Variants in ARHGAP18 observed in about 807,000 individuals in gnomAD.
The protein encoded by ARHGAP18 is rho GTPase-activating protein 18.
In ARHGAP18, 67 loss-of-function variants were observed where a neutral mutation model predicts 86.2. The ratio of observed to expected loss-of-function variants is 0.78; its 90% CI spans 0.64 to 0.95. The LOEUF (loss-of-function observed/expected upper bound fraction) is 0.95. ARHGAP18 is among the 40% of genes least tolerant of loss of function. The pLI is 0.00. For synonymous variants in ARHGAP18, 283 were observed against 280.4 expected (o/e 1.01, Z -0.09); for missense variants, 691 against 780.4 (o/e 0.89, Z 1.37).
At chr6:129,638,775 C>A in intron 2 of ARHGAP18, 146 bp from the exon 3 acceptor site, 1 of 725,092 alleles carries the variant, frequency 1.4e-6, no homozygotes, top group South Asian at 1.8e-5. Context: ...GGACAACTGC[C>A]ATACACTCCA....
At chr6:129,640,633 G>A (rs566976056) in intron 2 of ARHGAP18, among the ~76,000 whole-genome samples, 27 of 152,080 alleles carry the variant, frequency 1.8e-4, no homozygotes, top group Non-Finnish European at 3.2e-4. Context: ...ATTAATGTTG[G>A]TAGATTTTTC....
chr6:129,584,260 A>C lies in ARHGAP18; in HGVS notation c.1714-148T>G, dbSNP rs1239931102. On this transcript the variant is annotated intron_variant, in intron 12 of 14. Transcript: ENST00000368149. ...ACTACTGTATAATGTAATTTGCAAA[A>C]TTACATCAAACCTCAAATATCCTCT... 6 of 1,061,342 alleles carry C rather than the reference A, an allele frequency of 5.7e-6. No homozygotes were observed. The East Asian group carries it at 1.1e-4, about 20-fold the overall frequency. The allele number at this position is 1,061,342 out of a possible 1,614,324, so 65.7% of individuals were successfully genotyped here.
At chr6:129,634,459 G>A (rs1773290432) in intron 3 of ARHGAP18, among the ~76,000 whole-genome samples, 1 of 152,128 alleles carries the variant, frequency 6.6e-6, no homozygotes, top group African/African-American at 2.4e-5. Flanking sequence ...TGGTCTATCT[G>A]TACAGTGGAA....
intron 12 of ARHGAP18, among the ~76,000 whole-genome samples, chr6:129,585,414 G>A (rs1788377040): frequency 6.6e-6 from 1 of 152,180 alleles, no homozygotes; most frequent in South Asian, 2.1e-4. Flanking sequence ...CTATAAAAAT[G>A]TAGGTACCCT....
intron 11 of ARHGAP18, among the ~76,000 whole-genome samples, 163 bp from the exon 12 acceptor site, chr6:129,599,519 A>G (rs1788693061): frequency 6.6e-6 from 1 of 152,192 alleles, no homozygotes; most frequent in Non-Finnish European, 1.5e-5. Context: ...GTGAAAAGAA[A>G]ATACTTCATA....
At chr6:129,684,429 A>G (rs1208619992) in intron 1 of ARHGAP18, among the ~76,000 whole-genome samples, 1 of 152,222 alleles carries the variant, frequency 6.6e-6, no homozygotes, top group Non-Finnish European at 1.5e-5. Flanking sequence ...CTAGAGTAGT[A>G]TTATATTAAT....
In ARHGAP18 at chr6:129,641,880, G is replaced by A. The variant is rs1773472237; in HGVS notation, c.252C>T (p.Asn84=). The A allele has an allele frequency of 8.1e-6, 13 of 1,613,930 alleles. No homozygotes were observed. Among genetic ancestry groups the A allele is most frequent in the Non-Finnish European group, 1.0e-5 (12 of 1,179,912 alleles). Residue 84 remains asparagine (N), a synonymous_variant, in exon 2 of 15, where the codon AAC becomes AAT. Transcript: ENST00000368149. ...SMEDYWIELE[N]IKKSSENSQE... Reference sequence around the variant, plus strand: ...GGCTGTTTTCACTAGATTTCTTGATGTTTTCTAGTTCTATCCAATAGTCTT... The same window carrying A: ...GGCTGTTTTCACTAGATTTCTTGATATTTTCTAGTTCTATCCAATAGTCTT...
intron 1 of ARHGAP18, among the ~76,000 whole-genome samples, chr6:129,692,972 A>T (rs546303491): frequency 2.6e-5 from 4 of 152,362 alleles, no homozygotes; most frequent in Admixed American, 2.6e-4. Context: ...CCAGTAATTT[A>T]ATCAAAGGCA....
chr6:129,619,035 G>C (rs1392676077), intron 5 of ARHGAP18, among the ~76,000 whole-genome samples, 183 bp from the exon 6 acceptor site: 1 of 151,316 alleles, frequency 6.6e-6, no homozygotes, highest in Non-Finnish European at 1.5e-5. Flanking sequence ...AAGCTGTGGA[G>C]GGTTCGGGAG....
chr6:129,685,852 G>A (rs1374565283), intron 1 of ARHGAP18, among the ~76,000 whole-genome samples: 1 of 152,010 alleles, frequency 6.6e-6, no homozygotes, highest in Non-Finnish European at 1.5e-5. Flanking sequence ...AAGTCCAGAT[G>A]GTTTTCTCCC....
intron 6 of ARHGAP18, among the ~76,000 whole-genome samples, chr6:129,617,680 T>C (rs1310695855): frequency 3.9e-5 from 6 of 152,134 alleles, no homozygotes. Flanking sequence ...TCTTGGGCAC[T>C]GAACCACAAC....
chr6:129,601,801 G>T (rs1236562744), intron 10 of ARHGAP18, among the ~76,000 whole-genome samples: 4 of 150,644 alleles, frequency 2.7e-5, no homozygotes, highest in Non-Finnish European at 4.4e-5. Flanking sequence ...TAATTTTTTT[G>T]ATTTTTCATA....
At chr6:129,691,209 A>G (rs1774522288) in intron 1 of ARHGAP18, among the ~76,000 whole-genome samples, 1 of 152,214 alleles carries the variant, frequency 6.6e-6, no homozygotes, top group Admixed American at 6.5e-5. Context: ...CCTCCAACAT[A>G]AACACACACT....
chr6:129,664,395 G>C (rs1354725925), intron 1 of ARHGAP18, among the ~76,000 whole-genome samples: 1 of 151,922 alleles, frequency 6.6e-6, no homozygotes, highest in East Asian at 1.9e-4. Context: ...AGGAAAGTTA[G>C]ACTGGCTACT....
At chr6:129,580,167 T>G in intron 13 of ARHGAP18, 36 bp from the exon 14 acceptor site, 1 of 1,570,756 alleles carries the variant, frequency 6.4e-7, no homozygotes, top group Non-Finnish European at 8.7e-7. Context: ...AGTTGTATCA[T>G]CAAACAGCTT....
intron 1 of ARHGAP18, among the ~76,000 whole-genome samples, chr6:129,678,203 C>T (rs374454608): frequency 3.9e-5 from 6 of 152,192 alleles, no homozygotes; most frequent in African/African-American, 7.2e-5. Flanking sequence ...GTAAGGTAGG[C>T]CCTTTTGGGT....
chr6:129,656,610 C>T (rs1301312347), intron 1 of ARHGAP18, among the ~76,000 whole-genome samples: 1 of 151,984 alleles, frequency 6.6e-6, no homozygotes, highest in Non-Finnish European at 1.5e-5. Context: ...CACCACTGCA[C>T]TCCAGCCTGG....
intron 1 of ARHGAP18, among the ~76,000 whole-genome samples, chr6:129,680,796 GC>G (rs1774310818): frequency 6.6e-6 from 1 of 152,228 alleles, no homozygotes; most frequent in Admixed American, 6.5e-5. Flanking sequence ...TGGCTAGAGA[GC>G]CTAAAAGCCT....
chr6:129,627,501 A>T (rs755310555), intron 5 of ARHGAP18, among the ~76,000 whole-genome samples: 8 of 152,138 alleles, frequency 5.3e-5, no homozygotes, highest in Non-Finnish European at 8.8e-5. Flanking sequence ...TTTAAAGTCA[A>T]CTAATTAATA....
Sources: gnomAD v4.1 joint callset for allele counts (sites outside exome capture counted in the v4.1 genomes callset) on GRCh38, gnomAD v4.1.1 for gene constraint, MANE v1.5 for transcripts, NCBI Gene and HGNC (gene_info 2026-07-23, HGNC 2026-07-21) for gene names.